Variants in CAMTA1 observed in about 807,000 individuals in gnomAD.
CAMTA1 encodes calmodulin-binding transcription activator 1.
A neutral mutation model predicts 170.9 loss-of-function variants in CAMTA1; 27 were observed. The observed-to-expected ratio is 0.16, with a 90% CI of 0.12 to 0.22. The LOEUF (loss-of-function observed/expected upper bound fraction) is 0.22. Ranked by LOEUF, CAMTA1 falls within the 10% of genes least tolerant of loss-of-function variation. The pLI is 1.00. For missense variants in CAMTA1, 1,619 were observed against 2,217.2 expected (o/e 0.73, Z 5.42); for synonymous variants, 833 against 891.5 (o/e 0.93, Z 1.17).
At chr1:7,034,987 A>C (rs1006220652) in intron 3 of CAMTA1, among the ~76,000 whole-genome samples, 4 of 152,298 alleles carry the variant, frequency 2.6e-5, no homozygotes, top group South Asian at 4.1e-4. Flanking sequence ...TAACTCAGTC[A>C]CACAAATGCT....
chr1:7,447,479 C>T (rs1282513589), intron 5 of CAMTA1, among the ~76,000 whole-genome samples: 1 of 151,920 alleles, frequency 6.6e-6, no homozygotes, highest in South Asian at 2.1e-4. Flanking sequence ...TCAGCAGCCA[C>T]GGTGCCAGCT....
intron 6 of CAMTA1, among the ~76,000 whole-genome samples, chr1:7,582,202 C>T (rs911585277): frequency 5.9e-5 from 9 of 152,194 alleles, no homozygotes; most frequent in African/African-American, 2.2e-4. Context: ...ACAGCAACAG[C>T]CATAAATGAT....
chr1:7,008,122 G>A (rs181686709), intron 3 of CAMTA1, among the ~76,000 whole-genome samples: 179 of 152,340 alleles, frequency 1.2e-3, no homozygotes, highest in African/African-American at 3.8e-3. Flanking sequence ...CCTGGGCACC[G>A]TGGGTCGTGG....
intron 6 of CAMTA1, among the ~76,000 whole-genome samples, chr1:7,474,196 C>T (rs1046448895): frequency 7.1e-5 from 9 of 127,450 alleles, no homozygotes; most frequent in Non-Finnish European, 1.6e-4. Context: ...TTAGCTCATC[C>T]ATAAAATGGA....
intron 11 of CAMTA1, among the ~76,000 whole-genome samples, chr1:7,695,262 TAC>T (rs912877870): frequency 6.6e-5 from 10 of 152,132 alleles, no homozygotes; most frequent in African/African-American, 2.4e-4. Flanking sequence ...CATGAGTCTT[TAC>T]ACCCCTCCCC....
chr1:6,908,789 C>T (rs1049625685), intron 3 of CAMTA1, among the ~76,000 whole-genome samples: 3 of 152,252 alleles, frequency 2.0e-5, no homozygotes, highest in Non-Finnish European at 4.4e-5. Flanking sequence ...TTCGCCTCCC[C>T]TGCAGCTGCT....
chr1:7,112,654 A>G (rs941574484), intron 4 of CAMTA1, among the ~76,000 whole-genome samples: 4 of 152,316 alleles, frequency 2.6e-5, no homozygotes, highest in South Asian at 2.1e-4. Flanking sequence ...CTCCCTTTGT[A>G]GGAGCACATT....
intron 3 of CAMTA1, among the ~76,000 whole-genome samples, chr1:6,942,961 C>G (rs947935543): frequency 7.9e-5 from 12 of 152,180 alleles, no homozygotes; most frequent in Non-Finnish European, 4.4e-5. Flanking sequence ...CAGGGCAGAA[C>G]GAGAACACGA....
chr1:6,925,070 G>C (rs2149341314), intron 3 of CAMTA1, among the ~76,000 whole-genome samples: 1 of 152,366 alleles, frequency 6.6e-6, no homozygotes, highest in Non-Finnish European at 1.5e-5. Context: ...TGCTGCCAGT[G>C]ACTGGGCCCT....
At chr1:6,904,456 T>G (rs968174754) in intron 3 of CAMTA1, among the ~76,000 whole-genome samples, 1 of 152,182 alleles carries the variant, frequency 6.6e-6, no homozygotes, top group Non-Finnish European at 1.5e-5. Context: ...CTGGACTGTT[T>G]TCTGATTTAA....
chr1:6,949,711 A>G (rs914070482), intron 3 of CAMTA1, among the ~76,000 whole-genome samples: 18 of 152,310 alleles, frequency 1.2e-4, no homozygotes, highest in African/African-American at 1.7e-4. Context: ...CTGAGCCCCA[A>G]TCTTCTCACT....
At chr1:7,384,445 C>A (rs2087705823) in intron 5 of CAMTA1, among the ~76,000 whole-genome samples, 1 of 152,178 alleles carries the variant, frequency 6.6e-6, no homozygotes, top group Non-Finnish European at 1.5e-5. Context: ...GGGCCCTATA[C>A]TGTGTGTGAT....
chr1:7,327,078 A>G (rs1378155921), intron 5 of CAMTA1, among the ~76,000 whole-genome samples: 1 of 152,140 alleles, frequency 6.6e-6, no homozygotes, highest in Non-Finnish European at 1.5e-5. Context: ...AAAAGTAGTT[A>G]AGTGGATAGG....
At position 7,680,861 on chromosome 1, in the gene CAMTA1, CCAGCAGCAG is replaced by C. The variant is rs70987362; in HGVS notation, c.2914+3142_2914+3150del. 5.1e-5 allele frequency among the ~76,000 whole-genome samples: 7 copies of C among 136,568 alleles called. No individual in the cohort carries two copies. The highest frequency in any genetic ancestry group is 2.1e-4 in the East Asian group (1 of 4,674). The allele number at this position is 136,568 out of a possible 152,430, so 89.6% of individuals were successfully genotyped here. ...GAGAACACGCGCGCGCGCGCGCGCG[CCAGCAGCAG>C]CAGCAGCAGCAGCTGCTGCGGCGAA... On this transcript the variant is annotated intron_variant, in intron 11 of 22. Coordinates refer to ENST00000303635, the MANE Select transcript of CAMTA1 (RefSeq NM_015215.4). The surrounding 1 kb of genome is among the most constrained non-coding windows in gnomAD (Gnocchi z 4.4).
chr1:7,162,225 A>C (rs1412520913), intron 4 of CAMTA1, among the ~76,000 whole-genome samples: 3 of 152,194 alleles, frequency 2.0e-5, no homozygotes, highest in Non-Finnish European at 4.4e-5. Context: ...CTTATAGGTC[A>C]TGGTAGGGAG....
intron 4 of CAMTA1, among the ~76,000 whole-genome samples, chr1:7,235,486 C>T (rs905619061): frequency 1.1e-4 from 17 of 152,136 alleles, no homozygotes; most frequent in Admixed American, 2.0e-4. Flanking sequence ...ATTAGCTGGG[C>T]GTGTTTGGTG....
At chr1:7,127,278 G>A (rs542626950) in intron 4 of CAMTA1, among the ~76,000 whole-genome samples, 7 of 110,538 alleles carry the variant, frequency 6.3e-5, no homozygotes, top group African/African-American at 1.4e-4. Flanking sequence ...TTTGCTAGCC[G>A]GAAGCCGTTC....
intron 11 of CAMTA1, chr1:7,698,801 T>TGA (rs61081256): frequency 0.92 from 139,149 of 151,948 alleles, 63,914 homozygotes; most frequent in East Asian, 1. Flanking sequence ...AGAAGCACTG[T>TGA]CAAACTGCCT....
intron 6 of CAMTA1, among the ~76,000 whole-genome samples, chr1:7,479,405 C>G (rs1197068981): frequency 6.6e-6 from 1 of 152,130 alleles, no homozygotes; most frequent in Non-Finnish European, 1.5e-5. Flanking sequence ...GGGGTGGTAC[C>G]TGAAGGAGGC....
Sources: allele counts gnomAD v4.1 joint callset (sites outside exome capture counted in the v4.1 genomes callset), GRCh38; gene constraint gnomAD v4.1.1; non-coding constraint Gnocchi (gnomAD v3.1); transcripts MANE v1.5; gene names NCBI Gene and HGNC (gene_info 2026-07-23, HGNC 2026-07-21).